The following TNS3 variants were observed in gnomAD, a reference collection of about 807,000 sequenced individuals.
TNS3 encodes tensin 3.
Under a neutral mutation model 140.9 loss-of-function variants are expected in TNS3, and 45 were observed. The observed-to-expected ratio is 0.32, with a 90% CI of 0.25 to 0.41. The LOEUF (loss-of-function observed/expected upper bound fraction) is 0.41. Among genes scored for constraint, TNS3 ranks in the 10% least tolerant of loss-of-function variants. The pLI is 1.00. For synonymous variants in TNS3, 815 were observed against 788.4 expected (o/e 1.03, Z -0.56); for missense variants, 1,716 against 1,906.7 (o/e 0.90, Z 1.86).
chr7:47,312,925 G>A (rs1035947061), intron 20 of TNS3, among the ~76,000 whole-genome samples: 12 of 152,218 alleles, frequency 7.9e-5, no homozygotes, highest in Admixed American at 7.2e-4. Context: ...TGTCTTTGCT[G>A]GGCACCAGTT....
In TNS3 at chr7:47,318,744, T is replaced by G. The variant is rs555830738; in HGVS notation, c.2651-13741A>C. Among the ~76,000 whole-genome samples, 304 of 152,204 alleles carry G rather than the reference T, an allele frequency of 2.0e-3. 1 individual carries two copies. Among genetic ancestry groups the G allele is most frequent in the Non-Finnish European group, 2.8e-3 (188 of 68,020 alleles). On this transcript the variant is annotated intron_variant, in intron 20 of 30. Transcript: ENST00000311160. ...TCATGATGGAGAATGGAGGTTACCA[T>G]AATGTATACACCACGTCCACACAGG...
chr7:47,363,299 C>CCAT (rs1291391499), intron 17 of TNS3, among the ~76,000 whole-genome samples: 74 of 151,798 alleles, frequency 4.9e-4, no homozygotes, highest in Non-Finnish European at 3.8e-4. Context: ...ATCACCATCA[C>CCAT]CATCATCATC....
At chr7:47,452,982 A>G in intron 4 of TNS3, 1 of 985,520 alleles carries the variant, frequency 1.0e-6, no homozygotes, top group Non-Finnish European at 1.2e-6. Flanking sequence ...TTTCCCTTCC[A>G]GAAACAGCTC....
At chr7:47,342,427 G>A (rs180786591) in intron 20 of TNS3, among the ~76,000 whole-genome samples, 240 of 152,336 alleles carry the variant, frequency 1.6e-3, no homozygotes, top group African/African-American at 5.1e-3. Flanking sequence ...CTTCAAAACT[G>A]CACAGTGGCT....
chr7:47,282,306 C>T (rs964505589), intron 28 of TNS3, among the ~76,000 whole-genome samples: 9 of 150,358 alleles, frequency 6.0e-5, no homozygotes, highest in African/African-American at 2.2e-4. Context: ...CCTGAGTCTA[C>T]CATGCAGATG....
chr7:47,441,164 ATTTATT>A (rs1022216453), intron 5 of TNS3, among the ~76,000 whole-genome samples: 4 of 152,018 alleles, frequency 2.6e-5, no homozygotes, highest in African/African-American at 7.2e-5. Flanking sequence ...AATACCATAC[ATTTATT>A]TTTATTTTTA....
intron 9 of TNS3, 103 bp downstream of exon 9, chr7:47,428,209 C>A (rs184311798): frequency 2.5e-6 from 2 of 805,804 alleles, no homozygotes; most frequent in Non-Finnish European, 3.5e-6. Flanking sequence ...ACAGGTCAGC[C>A]GAGCCCTTGG....
chr7:47,335,813 T>C (rs1737839012), intron 20 of TNS3, among the ~76,000 whole-genome samples: 2 of 152,164 alleles, frequency 1.3e-5, no homozygotes, highest in South Asian at 4.1e-4. Flanking sequence ...ACTACTGTTG[T>C]ACAGGACATG....
intron 3 of TNS3, among the ~76,000 whole-genome samples, chr7:47,500,673 T>TAG (rs1226484900): frequency 6.6e-6 from 1 of 152,166 alleles, no homozygotes; most frequent in African/African-American, 2.4e-5. Context: ...GGAGTAACCA[T>TAG]CTTCCTGAAG....
At chr7:47,340,791 ATCTGTTG>A (rs1788966750) in intron 20 of TNS3, among the ~76,000 whole-genome samples, 1 of 151,734 alleles carries the variant, frequency 6.6e-6, no homozygotes, top group South Asian at 2.1e-4. Context: ...CTTTCCTCTC[ATCTGTTG>A]TCTTAATTTC....
chr7:47,477,950 C>T (rs1319913530), intron 4 of TNS3, among the ~76,000 whole-genome samples: 2 of 152,280 alleles, frequency 1.3e-5, no homozygotes, highest in East Asian at 1.9e-4. Context: ...CTTCCATTTA[C>T]TCCTCCATGC....
chr7:47,350,305 C>T (rs1482196467), intron 17 of TNS3, among the ~76,000 whole-genome samples: 1 of 152,218 alleles, frequency 6.6e-6, no homozygotes, highest in African/African-American at 2.4e-5. Flanking sequence ...AAAGGCTTCA[C>T]AAATTCTTCT....
chr7:47,415,032 C>T, intron 11 of TNS3, 62 bp downstream of exon 11: 1 of 1,295,484 alleles, frequency 7.7e-7, no homozygotes, highest in African/African-American at 1.5e-5. Flanking sequence ...ATTGAGGGGC[C>T]CAGGACCAGC....
At chr7:47,316,145 T>TCC (rs1274079537) in intron 20 of TNS3, among the ~76,000 whole-genome samples, 1 of 140,164 alleles carries the variant, frequency 7.1e-6, no homozygotes, top group East Asian at 2.2e-4. Flanking sequence ...TCTCTCTCTC[T>TCC]CCATTCTTTC....
chr7:47,374,871 C>T lies in TNS3; in HGVS notation c.1025-5250G>A, dbSNP rs375672352. On this transcript the variant is annotated intron_variant, in intron 16 of 30. Coordinates refer to ENST00000311160, the MANE Select transcript of TNS3 (RefSeq NM_022748.12). ...GGGGTTCCTGGTGCCCTGATGAGCT[C>T]CTAGGAGCAGGCAGGGTGAGGAGCC... 4.2e-3 allele frequency among the ~76,000 whole-genome samples: 633 copies of T among 152,238 alleles called. 5 individuals carry two copies. Among genetic ancestry groups the T allele is most frequent in the African/African-American group, 0.015 (606 of 41,532 alleles).
chr7:47,541,332 G>A (rs1477972560), intron 1 of TNS3, among the ~76,000 whole-genome samples: 1 of 152,148 alleles, frequency 6.6e-6, no homozygotes, highest in Non-Finnish European at 1.5e-5. Flanking sequence ...CAAAGTAGAT[G>A]TGAATGTGTG....
At position 47,458,333 on chromosome 7, in the gene TNS3, G is replaced by GCATC. The variant is rs796794422; in HGVS notation, c.-75-16282_-75-16279dup. 1.2e-4 allele frequency among the ~76,000 whole-genome samples: 18 copies of GCATC among 152,330 alleles called. 1 individual carries two copies. In the South Asian group the frequency reaches 1.9e-3, roughly 16 times the overall value. On this transcript the variant is annotated intron_variant, in intron 4 of 30. Coordinates refer to ENST00000311160, the MANE Select transcript of TNS3 (RefSeq NM_022748.12). Reference sequence around the variant, plus strand: ...GGCAGCTTCACTAGCTGAGCACAGGGCATCCATTTCCCTTTTAAACATGGG... The same window carrying GCATC: ...GGCAGCTTCACTAGCTGAGCACAGGGCATCCATCCATTTCCCTTTTAAACATGGG...
At chr7:47,424,308 G>C (rs1794533852) in intron 9 of TNS3, 124 bp from the exon 10 acceptor site, 2 of 824,718 alleles carry the variant, frequency 2.4e-6, no homozygotes, top group Middle Eastern at 2.8e-4. Context: ...TTCACCCTTT[G>C]CTGCACCTGT....
At chr7:47,340,109 ATATATATTTTTTTTTTTTTT>A (rs1352222053) in intron 20 of TNS3, among the ~76,000 whole-genome samples, 1 of 38,680 alleles carries the variant, frequency 2.6e-5, no homozygotes. Flanking sequence ...ATATATATAT[ATATATATTTTTTTTTTTTTT>A]TTTTTTTTTT....
Sources: allele counts gnomAD v4.1 joint callset (sites outside exome capture counted in the v4.1 genomes callset), GRCh38; gene constraint gnomAD v4.1.1; transcripts MANE v1.5; gene names NCBI Gene and HGNC (gene_info 2026-07-23, HGNC 2026-07-21).